The following DNAI1 variants were observed in gnomAD, a reference collection of about 807,000 sequenced individuals.
DNAI1 encodes the protein dynein axonemal intermediate chain 1, also known as dynein, axonemal, intermediate polypeptide 1.
DNAI1 carries 67 observed loss-of-function variants against 92.0 expected under a neutral mutation model. The ratio of observed to expected loss-of-function variants is 0.73; its 90% CI spans 0.60 to 0.89. DNAI1 has a LOEUF of 0.89. Among genes scored for constraint, DNAI1 ranks in the 40% least tolerant of loss-of-function variants. The pLI is 0.00. For synonymous variants in DNAI1, 323 were observed against 319.6 expected, an observed-to-expected ratio of 1.01 and a Z score of -0.11; for missense variants, 839 against 866.6, an observed-to-expected ratio of 0.97 and a Z score of 0.40.
intron 17 of DNAI1, 27 bp from the exon 18 acceptor site, chr9:34,514,613 T>A (rs1270395609): frequency 6.8e-6 from 11 of 1,614,234 alleles, no homozygotes; most frequent in Non-Finnish European, 9.3e-6. Flanking sequence ...CTCTGTGCCA[T>A]GGGCTTTCCA....
intron 1 of DNAI1, among the ~76,000 whole-genome samples, chr9:34,464,045 A>G (rs912259409): frequency 6.6e-6 from 1 of 152,120 alleles, no homozygotes; most frequent in Non-Finnish European, 1.5e-5. Context: ...CCTAGATATG[A>G]TCTTTTACTC....
intron 9 of DNAI1, 104 bp from the exon 10 acceptor site, chr9:34,497,011 C>T: frequency 1.0e-5 from 9 of 884,412 alleles, no homozygotes; most frequent in South Asian, 9.2e-5. Flanking sequence ...GTGAGTAGTG[C>T]CAGAGAGCTA....
chr9:34,502,806 C>CA (rs958345603), intron 12 of DNAI1, among the ~76,000 whole-genome samples: 4 of 152,082 alleles, frequency 2.6e-5, no homozygotes, highest in Admixed American at 1.3e-4. Flanking sequence ...GTGGGGGTGT[C>CA]ACTTTCCAGT....
intron 8 of DNAI1, 136 bp from the exon 9 acceptor site, chr9:34,493,058 A>T: frequency 1.7e-6 from 2 of 1,161,744 alleles, no homozygotes; most frequent in Non-Finnish European, 2.6e-6. Flanking sequence ...TTGAATACCT[A>T]ATTCCAACAG....
At chr9:34,482,084 G>A (rs1182380933) in intron 1 of DNAI1, among the ~76,000 whole-genome samples, 2 of 152,168 alleles carry the variant, frequency 1.3e-5, no homozygotes, top group African/African-American at 2.4e-5. Context: ...GTTAGATACA[G>A]AGTTTCCACA....
chr9:34,459,110 C>T, intron 1 of DNAI1, 57 bp downstream of exon 1: 2 of 1,472,316 alleles, frequency 1.4e-6, no homozygotes, highest in South Asian at 2.3e-5. Flanking sequence ...CGCCAGTGAC[C>T]ACTAATCATA....
chr9:34,476,135 G>T (rs1041750370), intron 1 of DNAI1, among the ~76,000 whole-genome samples: 4 of 152,166 alleles, frequency 2.6e-5, no homozygotes, highest in African/African-American at 9.7e-5. Flanking sequence ...TGTGAAGATT[G>T]GGAATAATGA....
chr9:34,471,516 T>TC (rs1204799140), intron 1 of DNAI1, among the ~76,000 whole-genome samples: 1 of 151,276 alleles, frequency 6.6e-6, no homozygotes, highest in African/African-American at 2.4e-5. Context: ...AAGCCTGTAA[T>TC]CCCAGCACTT....
At chr9:34,467,977 A>C (rs370772289) in intron 1 of DNAI1, among the ~76,000 whole-genome samples, 1 of 152,228 alleles carries the variant, frequency 6.6e-6, no homozygotes, top group East Asian at 1.9e-4. Flanking sequence ...TTAGCAGGCA[A>C]TGTCTTTAAA....
chr9:34,479,405 G>A (rs1470525000), intron 1 of DNAI1, among the ~76,000 whole-genome samples: 1 of 152,196 alleles, frequency 6.6e-6, no homozygotes, highest in African/African-American at 2.4e-5. Flanking sequence ...CTTTGCCATG[G>A]TTGGGAAGTT....
intron 6 of DNAI1, 41 bp downstream of exon 6, chr9:34,490,165 C>A: frequency 6.2e-7 from 1 of 1,613,450 alleles, no homozygotes; most frequent in South Asian, 1.1e-5. Context: ...TCTTCCAGCT[C>A]AAGCTGTGGA....
intron 16 of DNAI1, among the ~76,000 whole-genome samples, chr9:34,513,847 G>C (rs562000920): frequency 6.6e-6 from 1 of 152,282 alleles, no homozygotes; most frequent in Non-Finnish European, 1.5e-5. Flanking sequence ...CAGTCACACT[G>C]TCTTCTGGAG....
At chr9:34,510,334 G>A (rs1825040092) in intron 13 of DNAI1, among the ~76,000 whole-genome samples, 1 of 152,208 alleles carries the variant, frequency 6.6e-6, no homozygotes, top group South Asian at 2.1e-4. Context: ...GCTTCAACCA[G>A]CAACACTCTG....
At chr9:34,480,804 G>C (rs1445477490) in intron 1 of DNAI1, among the ~76,000 whole-genome samples, 1 of 152,058 alleles carries the variant, frequency 6.6e-6, no homozygotes, top group Admixed American at 6.5e-5. Flanking sequence ...AAATAGGCTG[G>C]GTGCAGTGGC....
At chr9:34,505,044 C>T (rs777030018) in intron 12 of DNAI1, among the ~76,000 whole-genome samples, 7 of 152,226 alleles carry the variant, frequency 4.6e-5, no homozygotes, top group Non-Finnish European at 1.0e-4. Context: ...TCCTAAAGTA[C>T]GTTTGGGTCA....
intron 12 of DNAI1, among the ~76,000 whole-genome samples, chr9:34,502,031 CT>C (rs1220902098): frequency 2.0e-5 from 3 of 152,226 alleles, no homozygotes; most frequent in Non-Finnish European, 4.4e-5. Context: ...AGCTTGTTCT[CT>C]GGCTGGGAGG....
chr9:34,477,922 CTCTTTTTTT>C (rs1197767364), intron 1 of DNAI1, among the ~76,000 whole-genome samples: 3 of 86,960 alleles, frequency 3.4e-5, no homozygotes, highest in African/African-American at 1.3e-4. Context: ...CTCTCTCTCT[CTCTTTTTTT>C]TTTTTTTTTT....
At chr9:34,501,330 A>G (rs539970497) in intron 12 of DNAI1, 149 bp downstream of exon 12, 12 of 734,332 alleles carry the variant, frequency 1.6e-5, no homozygotes, top group Admixed American at 1.2e-4. Context: ...CCACAATCCT[A>G]CTGGCAATTA....
At chr9:34,507,266 A>G (rs1415181040) in intron 13 of DNAI1, among the ~76,000 whole-genome samples, 1 of 152,216 alleles carries the variant, frequency 6.6e-6, no homozygotes, top group Non-Finnish European at 1.5e-5. Context: ...AAATCTGTGT[A>G]TAACTTTGGG....
Sources: allele counts gnomAD v4.1 joint callset (sites outside exome capture counted in the v4.1 genomes callset), GRCh38; gene constraint gnomAD v4.1.1; transcripts MANE v1.5; gene names NCBI Gene and HGNC (gene_info 2026-07-23, HGNC 2026-07-21).